PANX1: variants seen among roughly 807,000 people sequenced by gnomAD.
PANX1 encodes pannexin-1.
PANX1 carries 30 observed loss-of-function variants against 38.7 expected under a neutral mutation model. The ratio of observed to expected loss-of-function variants is 0.78; its 90% CI spans 0.58 to 1.05. The LOEUF (loss-of-function observed/expected upper bound fraction) is 1.05. Ranked by LOEUF, PANX1 falls within the 50% of genes least tolerant of loss-of-function variation. The pLI is 0.00. For synonymous variants in PANX1, 230 were observed against 212.2 expected, an observed-to-expected ratio of 1.08 and a Z score of -0.73; for missense variants, 551 against 517.2, an observed-to-expected ratio of 1.07 and a Z score of -0.63.
chr11:94,155,117 G>A (rs958941072), intron 2 of PANX1, among the ~76,000 whole-genome samples: 1 of 152,000 alleles, frequency 6.6e-6, no homozygotes, highest in Non-Finnish European at 1.5e-5. Context: ...TTGGGAGGCC[G>A]AGGCAAGCGG....
intron 1 of PANX1, among the ~76,000 whole-genome samples, chr11:94,130,330 A>G (rs1946614045): frequency 6.6e-6 from 1 of 152,190 alleles, no homozygotes; most frequent in South Asian, 2.1e-4. Flanking sequence ...GGATTTGGAC[A>G]AGAAGGAGTA....
intron 2 of PANX1, among the ~76,000 whole-genome samples, chr11:94,163,886 T>C (rs1048634892): frequency 2.6e-5 from 4 of 152,240 alleles, no homozygotes; most frequent in Non-Finnish European, 5.9e-5. Flanking sequence ...GGGAGACTTA[T>C]TATTACTGCC....
intron 1 of PANX1, among the ~76,000 whole-genome samples, chr11:94,138,417 T>C (rs895442308): frequency 6.6e-6 from 1 of 152,256 alleles, no homozygotes; most frequent in Non-Finnish European, 1.5e-5. Context: ...TATTTCTATG[T>C]TTCAAATATT....
At chr11:94,159,100 C>T (rs1946989430) in intron 2 of PANX1, among the ~76,000 whole-genome samples, 1 of 152,214 alleles carries the variant, frequency 6.6e-6, no homozygotes, top group South Asian at 2.1e-4. Context: ...GGTTGAAGCC[C>T]ACTTGATCAT....
intron 2 of PANX1, among the ~76,000 whole-genome samples, chr11:94,159,700 G>C (rs902835040): frequency 6.6e-5 from 10 of 152,030 alleles, no homozygotes; most frequent in African/African-American, 2.4e-4. Context: ...TTGGTTGTTT[G>C]AAGGGTTTTT....
chr11:94,167,404 G>T (rs1947114968), intron 2 of PANX1, among the ~76,000 whole-genome samples: 1 of 152,090 alleles, frequency 6.6e-6, no homozygotes, highest in Admixed American at 6.5e-5. Context: ...ATCTCCTAAT[G>T]GGGGTCAATC....
Position 94,178,384 on chromosome 11 carries a change from C to A in PANX1, c.337C>A (p.Leu113Met). ...TGTTTTTCAGTTTTTCCCCTACATC[C>A]TGCTGCTCTTTGCGATCCTCCTGTA... is the stretch of plus-strand genomic sequence containing the variant. ...LWLHKFFPYILLLFAILLYLP... is the reference protein window; with the variant it reads ...LWLHKFFPYIMLLFAILLYLP... The change falls in exon 3 of 5, where the codon CTG (leucine) becomes ATG (methionine). Residue 113 changes from leucine to methionine, a missense_variant. Leu to Met is a conservative substitution (Grantham distance 15, BLOSUM62 2). Transcript: ENST00000227638. The A allele has an allele frequency of 6.2e-7, 1 of 1,613,978 alleles. No individual in the cohort carries two copies. The highest frequency in any genetic ancestry group is 8.5e-7 in the Non-Finnish European group (1 of 1,179,872).
chr11:94,156,123 T>G (rs1016289107), intron 2 of PANX1, among the ~76,000 whole-genome samples: 1 of 152,116 alleles, frequency 6.6e-6, no homozygotes, highest in Non-Finnish European at 1.5e-5. Flanking sequence ...ACTGAAAGAT[T>G]TTTTATCCAG....
intron 1 of PANX1, among the ~76,000 whole-genome samples, chr11:94,143,537 C>G (rs1361520903): frequency 2.6e-5 from 4 of 152,100 alleles, no homozygotes; most frequent in Non-Finnish European, 5.9e-5. Flanking sequence ...TTTATTTAAT[C>G]CTCCTGGGAA....
At chr11:94,160,669 G>T (rs111477901) in intron 2 of PANX1, among the ~76,000 whole-genome samples, 1 of 151,998 alleles carries the variant, frequency 6.6e-6, no homozygotes, top group Admixed American at 6.6e-5. Context: ...TGGGTCTTGA[G>T]TCTTTATCCA....
intron 2 of PANX1, among the ~76,000 whole-genome samples, chr11:94,158,914 A>G (rs11529079): frequency 0.15 from 23,375 of 152,122 alleles, 1,959 homozygotes; most frequent in South Asian, 0.3. Context: ...TTATTTTGAG[A>G]TACGTGCCAT....
At chr11:94,147,111 A>T (rs888651136) in intron 1 of PANX1, among the ~76,000 whole-genome samples, 1 of 152,184 alleles carries the variant, frequency 6.6e-6, no homozygotes, top group African/African-American at 2.4e-5. Flanking sequence ...TTTCATTGTA[A>T]TAGTCTTGTA....
rs188331379 is a variant in PANX1 at position 94,172,356 on chromosome 11, C to G, written c.322-6013C>G. Reference sequence around the variant, plus strand: ...CAGATCACCTGGGGATTTTGTTGAACTTTAGGCTCTGATTCAGCAGGTCTG... The same window carrying G: ...CAGATCACCTGGGGATTTTGTTGAAGTTTAGGCTCTGATTCAGCAGGTCTG... On this transcript the variant is annotated intron_variant, in intron 2 of 4. Coordinates refer to ENST00000227638, the MANE Select transcript of PANX1 (RefSeq NM_015368.4). Among the ~76,000 whole-genome samples the G allele has an allele frequency of 6.2e-4, 94 of 151,858 alleles. 4 individuals are homozygous for G. The highest frequency in any genetic ancestry group is 2.2e-3 in the African/African-American group (90 of 41,134).
At chr11:94,165,588 T>C (rs767244823) in intron 2 of PANX1, among the ~76,000 whole-genome samples, 7 of 152,336 alleles carry the variant, frequency 4.6e-5, no homozygotes, top group Non-Finnish European at 8.8e-5. Context: ...GAGGCTGTGA[T>C]TGGAATTAAG....
chr11:94,150,836 C>G (rs12273690), intron 1 of PANX1, among the ~76,000 whole-genome samples: 21,392 of 152,196 alleles, frequency 0.14, 1,492 homozygotes, highest in African/African-American at 0.17. Context: ...AAGCTGTCCC[C>G]TTCCTGGCCA....
chr11:94,140,493 T>C (rs1021929309), intron 1 of PANX1, among the ~76,000 whole-genome samples: 7 of 152,244 alleles, frequency 4.6e-5, no homozygotes, highest in African/African-American at 1.7e-4. Flanking sequence ...GATATCTTCA[T>C]GTTAGTGCAT....
chr11:94,174,190 A>G (rs1209975837), intron 2 of PANX1, among the ~76,000 whole-genome samples: 1 of 151,520 alleles, frequency 6.6e-6, no homozygotes. Context: ...TTATATTTGC[A>G]AAGACCTATT....
At position 94,129,099 on chromosome 11, in the gene PANX1, C is replaced by G; in HGVS notation, c.-214C>G. ...CGGAGCTCTCGGGTTCCCGCCCCGC[C>G]CCGCCCCGCCGGCGGCGGAGGCAGC... is the stretch of plus-strand genomic sequence containing the variant. On this transcript the variant is annotated 5_prime_UTR_variant, in exon 1 of 5. Coordinates refer to ENST00000227638, the MANE Select transcript of PANX1 (RefSeq NM_015368.4). The G allele has an allele frequency of 2.2e-6, 1 of 449,470 alleles. No individual in the cohort carries two copies. The highest frequency in any genetic ancestry group is 3.9e-6 in the Non-Finnish European group (1 of 254,840). The allele number at this position is 449,470 out of a possible 1,614,324, so 27.8% of individuals were successfully genotyped here.
chr11:94,146,159 A>T (rs756597473), intron 1 of PANX1, among the ~76,000 whole-genome samples: 1 of 152,244 alleles, frequency 6.6e-6, no homozygotes, highest in Non-Finnish European at 1.5e-5. Flanking sequence ...TGAGGGGAAC[A>T]TGTCGAAGGA....
Sources: gnomAD v4.1 joint callset for allele counts (sites outside exome capture counted in the v4.1 genomes callset) on GRCh38, gnomAD v4.1.1 for gene constraint, MANE v1.5 for transcripts, NCBI Gene and HGNC (gene_info 2026-07-23, HGNC 2026-07-21) for gene names.